SNX27: variants seen among roughly 807,000 people sequenced by gnomAD.
SNX27 encodes the protein sorting nexin 27.
SNX27 carries 22 observed loss-of-function variants against 71.6 expected under a neutral mutation model. That is an observed-to-expected ratio of 0.31 (90% confidence interval 0.22 to 0.44). SNX27 has a LOEUF of 0.44. Among genes scored for constraint, SNX27 ranks in the 20% least tolerant of loss-of-function variants. SNX27 has a pLI of 1.00. For synonymous variants in SNX27, 269 were observed against 277.2 expected (o/e 0.97, Z 0.29); for missense variants, 531 against 698.6 (o/e 0.76, Z 2.70).
intron 1 of SNX27, among the ~76,000 whole-genome samples, chr1:151,621,446 C>T (rs1421666702): frequency 1.3e-5 from 2 of 152,166 alleles, no homozygotes; most frequent in African/African-American, 4.8e-5. Context: ...TCTGTTTTTG[C>T]TTAAGCTGTC....
chr1:151,665,806 C>T (rs758557260), intron 5 of SNX27, 127 bp from the exon 6 acceptor site: 5 of 618,990 alleles, frequency 8.1e-6, no homozygotes, highest in Non-Finnish European at 1.4e-5. Flanking sequence ...ACCATTAATG[C>T]AATTTTTGTG....
chr1:151,671,266 C>CTTTT, intron 7 of SNX27, among the ~76,000 whole-genome samples: 1 of 146,910 alleles, frequency 6.8e-6, no homozygotes, highest in African/African-American at 2.5e-5. Context: ...GAGACAGGGT[C>CTTTT]TCGCTTTGTC....
chr1:151,651,368 C>G (rs1185916130), intron 2 of SNX27, among the ~76,000 whole-genome samples: 1 of 149,856 alleles, frequency 6.7e-6, no homozygotes, highest in Admixed American at 6.6e-5. Context: ...GGCGGCTGGC[C>G]TGGCGGGGGG....
At chr1:151,657,778 A>G (rs1337477816) in intron 2 of SNX27, among the ~76,000 whole-genome samples, 2 of 152,168 alleles carry the variant, frequency 1.3e-5, no homozygotes, top group Non-Finnish European at 2.9e-5. Flanking sequence ...AGGTGGGTGG[A>G]TCACCTGAGG....
intron 8 of SNX27, among the ~76,000 whole-genome samples, chr1:151,689,993 T>C (rs1671363585): frequency 6.6e-6 from 1 of 152,040 alleles, no homozygotes. Context: ...GGATTACAGG[T>C]GCATGCCACT....
chr1:151,629,590 T>C (rs1242707909), intron 1 of SNX27, among the ~76,000 whole-genome samples: 1 of 149,964 alleles, frequency 6.7e-6, no homozygotes, highest in Non-Finnish European at 1.5e-5. Context: ...TATATAATTT[T>C]TTTTTTTTTT....
chr1:151,650,650 G>T (rs185044743), intron 2 of SNX27, among the ~76,000 whole-genome samples: 4 of 151,788 alleles, frequency 2.6e-5, no homozygotes, highest in East Asian at 3.9e-4. Context: ...TTTCTCACAG[G>T]GGGGATTTGG....
intron 5 of SNX27, among the ~76,000 whole-genome samples, chr1:151,665,717 A>G (rs1220180734): frequency 5.3e-5 from 8 of 152,192 alleles, no homozygotes; most frequent in African/African-American, 1.9e-4. Context: ...GGGCAGATAC[A>G]GGTGTTTTTT....
At chr1:151,665,683 C>T (rs1057019405) in intron 5 of SNX27, among the ~76,000 whole-genome samples, 4 of 152,236 alleles carry the variant, frequency 2.6e-5, no homozygotes, top group South Asian at 2.1e-4. Context: ...GGGAGAAGCT[C>T]GTATTTAGAG....
intron 10 of SNX27, 38 bp downstream of exon 10, chr1:151,693,077 T>G: frequency 6.3e-7 from 1 of 1,593,120 alleles, no homozygotes; most frequent in South Asian, 1.2e-5. Context: ...GGACTTAGTT[T>G]GTTTTTTTGT....
At chr1:151,614,723 G>T (rs903007766) in intron 1 of SNX27, among the ~76,000 whole-genome samples, 1 of 152,114 alleles carries the variant, frequency 6.6e-6, no homozygotes, top group Non-Finnish European at 1.5e-5. Context: ...TTTCCCTTTG[G>T]AAGTTAATTT....
intron 8 of SNX27, 42 bp from the exon 9 acceptor site, chr1:151,692,393 C>T: frequency 1.4e-6 from 2 of 1,472,414 alleles, no homozygotes; most frequent in Middle Eastern, 2.3e-4. Flanking sequence ...ACCCTGTTTC[C>T]TGTTTCTCCT....
rs1671525616 is a variant in SNX27, at chr1:151,692,964, A to G, written c.1443A>G (p.Glu481=). 2.5e-6 allele frequency: 4 copies of G among 1,614,102 alleles called. No homozygotes were observed. Among genetic ancestry groups the G allele is most frequent in the Non-Finnish European group, 3.4e-6 (4 of 1,180,046 alleles). Residue 481 remains glutamate, a synonymous_variant, in exon 10 of 12, where the codon GAA becomes GAG. Coordinates refer to ENST00000458013, the MANE Select transcript of SNX27 (RefSeq NM_001330723.2). ...AGATGCAGCGATGGGACACAGATGA[A>G]GAAGGGATGGCCTTCTGTTTCGAAT... ...WDEMQRWDTD[E]EGMAFCFEYA... is the part of the protein sequence containing the mutation.
chr1:151,678,940 T>A (rs1432249754), intron 7 of SNX27: 1 of 152,174 alleles, frequency 6.6e-6, no homozygotes, highest in Non-Finnish European at 1.5e-5. Flanking sequence ...CCCTGGCTGG[T>A]CTCAAAACTC....
intron 7 of SNX27, among the ~76,000 whole-genome samples, chr1:151,682,725 A>G (rs1242229403): frequency 6.6e-6 from 1 of 152,114 alleles, no homozygotes; most frequent in African/African-American, 2.4e-5. Flanking sequence ...TGCAGGGGGA[A>G]CTGCTGTTTT....
chr1:151,681,069 A>G (rs140211646), intron 7 of SNX27, among the ~76,000 whole-genome samples: 3 of 152,226 alleles, frequency 2.0e-5, no homozygotes, highest in African/African-American at 7.2e-5. Context: ...GCTAAATGAT[A>G]CTAATAATAG....
chr1:151,688,209 G>A (rs1671276351), intron 8 of SNX27, among the ~76,000 whole-genome samples: 1 of 152,166 alleles, frequency 6.6e-6, no homozygotes, highest in South Asian at 2.1e-4. Context: ...AGACAGGGTG[G>A]TCAGAGAGAC....
intron 2 of SNX27, among the ~76,000 whole-genome samples, chr1:151,647,793 C>T (rs553106677): frequency 7.1e-6 from 1 of 141,724 alleles, no homozygotes; most frequent in Non-Finnish European, 1.5e-5. Context: ...ACAGCTCTTT[C>T]CTGTCCCAAG....
intron 4 of SNX27, chr1:151,661,125 T>G (rs1669951126): frequency 2.6e-6 from 1 of 387,432 alleles, no homozygotes; most frequent in African/African-American, 2.0e-5. Flanking sequence ...ACTTTTGCAA[T>G]TAGTTCCATT....
Sources: gnomAD v4.1 joint callset for allele counts (sites outside exome capture counted in the v4.1 genomes callset) on GRCh38, gnomAD v4.1.1 for gene constraint, MANE v1.5 for transcripts, NCBI Gene and HGNC (gene_info 2026-07-23, HGNC 2026-07-21) for gene names.